Variants in ABHD2 observed in about 807,000 individuals in gnomAD.
ABHD2 encodes monoacylglycerol lipase ABHD2.
Under a neutral mutation model 48.1 loss-of-function variants are expected in ABHD2, and 20 were observed. The ratio of observed to expected loss-of-function variants is 0.42; its 90% CI spans 0.29 to 0.60. ABHD2 has a LOEUF of 0.60. Ranked by LOEUF, ABHD2 falls within the 20% of genes least tolerant of loss-of-function variation. The probability of loss-of-function intolerance (pLI) is 0.24; values close to 1 mark genes in which losing one functional copy is unlikely to be tolerated. For synonymous variants in ABHD2, 209 were observed against 214.2 expected (o/e 0.98, Z 0.21); for missense variants, 405 against 550.9 (o/e 0.74, Z 2.65).
chr15:89,053,972 C>T, the ABHD2 span, among the ~76,000 whole-genome samples: 1 of 152,130 alleles, frequency 6.6e-6, no homozygotes, highest in Non-Finnish European at 1.5e-5. Context: ...TCCCTGCAGC[C>T]CAAGAGAGTC....
chr15:89,051,873 A>G, the ABHD2 span, among the ~76,000 whole-genome samples: 1 of 152,176 alleles, frequency 6.6e-6, no homozygotes, highest in East Asian at 1.9e-4. Context: ...TAATAGAGGT[A>G]CCATGTCAAT....
chr15:89,144,025 T>A (rs1211054512), intron 3 of ABHD2, among the ~76,000 whole-genome samples: 1 of 152,196 alleles, frequency 6.6e-6, no homozygotes, highest in Non-Finnish European at 1.5e-5. Context: ...AAATTCCACT[T>A]CTGGGACACA....
At position 89,097,922 on chromosome 15, in the gene ABHD2, ACT is replaced by A. The variant is rs1207076199; in HGVS notation, c.-107+9362_-107+9363del. Among the ~76,000 whole-genome samples, 5 of 152,104 alleles carry A rather than the reference ACT, an allele frequency of 3.3e-5. No individual in the cohort carries two copies. The highest frequency in any genetic ancestry group is 1.2e-4 in the African/African-American group (5 of 41,488). On this transcript the variant is annotated intron_variant, in intron 1 of 10. Coordinates refer to ENST00000352732, the MANE Select transcript of ABHD2 (RefSeq NM_152924.5). The surrounding 1 kb of genome is among the most constrained non-coding windows in gnomAD (Gnocchi z 4.2). Reference sequence around the variant, plus strand: ...GTTTTTTCTTTTTTGAGACAGTCTCACTCTGTCACGCAGGCTGGATTGCAGTG... The same window carrying A: ...GTTTTTTCTTTTTTGAGACAGTCTCACTGTCACGCAGGCTGGATTGCAGTG...
chr15:89,074,746 G>A, the ABHD2 span, among the ~76,000 whole-genome samples: 1 of 152,184 alleles, frequency 6.6e-6, no homozygotes, highest in South Asian at 2.1e-4. Context: ...AAAGAACCTA[G>A]CTTGCTTTGT....
chr15:89,114,886 A>T lies in ABHD2; in HGVS notation c.-7+1062A>T, dbSNP rs2049930824. The stretch of plus-strand genomic sequence containing the variant: ...TTTGAAATTGTGTCAGTAAGTTTTT[A>T]AAAATCCTTGTCTTGCCCTGATGGT... On this transcript the variant is annotated intron_variant, in intron 2 of 10. Coordinates refer to ENST00000352732, the MANE Select transcript of ABHD2 (RefSeq NM_152924.5). This position sits in a 1 kb window ranked among gnomAD's most constrained non-coding sequence, Gnocchi z 4.2. Among the ~76,000 whole-genome samples the T allele has an allele frequency of 6.6e-6, 1 of 152,210 alleles. No homozygotes were observed. Among genetic ancestry groups the T allele is most frequent in the African/African-American group, 2.4e-5 (1 of 41,444 alleles).
the ABHD2 span, among the ~76,000 whole-genome samples, chr15:89,065,253 T>G: frequency 2.0e-5 from 3 of 152,090 alleles, no homozygotes; most frequent in Non-Finnish European, 4.4e-5. Context: ...AGAATACCCC[T>G]CCACCTCTGC....
At chr15:89,052,538 G>GAC in the ABHD2 span, among the ~76,000 whole-genome samples, 836 of 128,982 alleles carry the variant, frequency 6.5e-3, 17 homozygotes, top group African/African-American at 0.027. Flanking sequence ...CAGACAGACA[G>GAC]ACAGACAGAC....
intron 3 of ABHD2, among the ~76,000 whole-genome samples, chr15:89,131,151 C>T (rs570432022): frequency 3.4e-4 from 51 of 152,166 alleles, no homozygotes; most frequent in Non-Finnish European, 6.8e-4. Flanking sequence ...CATGCCATGC[C>T]CCTGCTTTAA....
chr15:89,194,980 G>A (rs970120622), intron 10 of ABHD2, among the ~76,000 whole-genome samples: 2 of 152,284 alleles, frequency 1.3e-5, no homozygotes, highest in Middle Eastern at 3.4e-3. Context: ...GAACCCTTTA[G>A]AGTTCTAAGG....
the ABHD2 span, among the ~76,000 whole-genome samples, chr15:89,042,438 C>T: frequency 6.6e-6 from 1 of 152,108 alleles, no homozygotes; most frequent in Non-Finnish European, 1.5e-5. Context: ...CCAATTAGAC[C>T]ATCATTCCTG....
intron 3 of ABHD2, among the ~76,000 whole-genome samples, chr15:89,143,243 C>G (rs2050434077): frequency 6.6e-6 from 1 of 152,204 alleles, no homozygotes. Flanking sequence ...AATTTTTAGA[C>G]AATCCCAGTA....
At chr15:89,103,709 A>T (rs2049737179) in intron 1 of ABHD2, among the ~76,000 whole-genome samples, 1 of 152,142 alleles carries the variant, frequency 6.6e-6, no homozygotes, top group African/African-American at 2.4e-5. Flanking sequence ...CCCTCCTCTG[A>T]CATCCAGAAT....
In ABHD2 at chr15:89,185,456, G is replaced by A. The variant is rs2051190763; in HGVS notation, c.755G>A (p.Cys252Tyr). The part of the protein sequence containing the change: ...AQETFMQWDQ[C>Y]RRFYNFLMAD... ...GAAACCTTCATGCAATGGGATCAGT[G>A]CCGGCGGTTCTACAACTTCCTCATG... Residue 252 changes from cysteine to tyrosine, a missense_variant, in exon 7 of 11, where the codon TGC (cysteine) becomes TAC (tyrosine). By Grantham distance (194) the Cys-to-Tyr change is radical. Transcript: ENST00000352732. The surrounding 1 kb of genome is among the most constrained non-coding windows in gnomAD (Gnocchi z 5.9). The A allele has an allele frequency of 1.2e-6, 2 of 1,614,060 alleles. No homozygotes were observed. The highest frequency in any genetic ancestry group is 2.7e-5 in the African/African-American group (2 of 74,914).
Position 89,196,185 on chromosome 15 carries a change from C to T in ABHD2, c.*762C>T, listed in dbSNP as rs1468105747. The T allele has an allele frequency of 1.3e-5, 2 of 152,228 alleles. No homozygotes were observed. Among genetic ancestry groups the T allele is most frequent in the African/African-American group, 4.8e-5 (2 of 41,432 alleles). The allele number at this position is 152,228 out of a possible 1,614,324, so 9.4% of individuals were successfully genotyped here. ...TTTGGAAATGCTGTTCAACAGCGCC[C>T]TTAAATTGGAAACATCTTTGCAGCT... On this transcript the variant is annotated 3_prime_UTR_variant, in exon 11 of 11. Transcript: ENST00000352732.
At chr15:89,089,709 C>G (rs1012795437) in intron 1 of ABHD2, among the ~76,000 whole-genome samples, 2 of 152,142 alleles carry the variant, frequency 1.3e-5, no homozygotes, top group Non-Finnish European at 2.9e-5. Context: ...CCACATTAAG[C>G]AGAGTCCAAA....
upstream of ABHD2, among the ~76,000 whole-genome samples, chr15:89,086,051 G>A (rs1478588222): frequency 6.7e-6 from 1 of 148,274 alleles, no homozygotes; most frequent in Non-Finnish European, 1.5e-5. Context: ...TTTTTTTTCT[G>A]AGACAGAGTC....
At chr15:89,172,561 G>T (rs1282313986) in intron 5 of ABHD2, among the ~76,000 whole-genome samples, 1 of 152,160 alleles carries the variant, frequency 6.6e-6, no homozygotes, top group Non-Finnish European at 1.5e-5. Context: ...TTTGGCTATT[G>T]TGAATAATGC....
rs1406768559 is a variant in ABHD2, at chr15:89,120,749, T to C, written c.194+4228T>C. 1.3e-5 allele frequency: 2 copies of C among 152,242 alleles called. No homozygotes were observed. Among genetic ancestry groups the C allele is most frequent in the East Asian group, 3.8e-4 (2 of 5,202 alleles). 9.4% of individuals were successfully genotyped at this position (152,242 alleles called of 1,614,324 possible). A position where few individuals can be genotyped will look rare whatever the true frequency, so the allele number is the denominator to read the frequency against. ...ATCCGCCCGCCTCGGCCTTCCAAAG[T>C]GCTGCGATTACAGGCGTGAGCCACC... is the stretch of plus-strand genomic sequence containing the variant. On this transcript the variant is annotated intron_variant, in intron 3 of 10. Coordinates refer to ENST00000352732, the MANE Select transcript of ABHD2 (RefSeq NM_152924.5). The surrounding 1 kb of genome is among the most constrained non-coding windows in gnomAD (Gnocchi z 4.2).
rs181150027 is a variant in ABHD2 at position 89,197,683 on chromosome 15, A to G, written c.*2260A>G. The stretch of plus-strand genomic sequence containing the variant: ...AGAAAAGACAGCCCTGTTGTCACAC[A>G]AACCGGTGTGGGGGAGGGTGGAGCC... On this transcript the variant is annotated 3_prime_UTR_variant, in exon 11 of 11. Transcript: ENST00000352732. This position sits in a 1 kb window ranked among gnomAD's most constrained non-coding sequence, Gnocchi z 4.4. 2.6e-5 allele frequency: 4 copies of G among 152,364 alleles called. No homozygotes were observed. The highest frequency in any genetic ancestry group is 2.6e-4 in the Admixed American group (4 of 15,298). 9.4% of individuals were successfully genotyped at this position (152,364 alleles called of 1,614,324 possible).
Sources: allele counts gnomAD v4.1 joint callset (sites outside exome capture counted in the v4.1 genomes callset), GRCh38; gene constraint gnomAD v4.1.1; non-coding constraint Gnocchi (gnomAD v3.1); transcripts MANE v1.5; gene names NCBI Gene and HGNC (gene_info 2026-07-23, HGNC 2026-07-21).